The following NBAS variants were observed in gnomAD, a reference collection of about 807,000 sequenced individuals.
The protein encoded by NBAS is NBAS subunit of NRZ tethering complex.
In NBAS, 219 loss-of-function variants were observed where a neutral mutation model predicts 302.5. That is an observed-to-expected ratio of 0.72 (90% CI 0.65 to 0.81). The LOEUF (loss-of-function observed/expected upper bound fraction) is 0.81. Ranked by LOEUF, NBAS falls within the 30% of genes least tolerant of loss-of-function variation. The pLI is 0.00. For missense variants in NBAS, 2,932 were observed against 2,841.6 expected, an observed-to-expected ratio of 1.03 and a Z score of -0.72; for synonymous variants, 1,118 against 1,021.6, an observed-to-expected ratio of 1.09 and a Z score of -1.80.
the NBAS span, among the ~76,000 whole-genome samples, chr2:14,779,000 C>T: frequency 1.3e-5 from 2 of 152,226 alleles, no homozygotes; most frequent in African/African-American, 4.8e-5. Context: ...ATTCTCACCA[C>T]TCTACAAATG....
the NBAS span, among the ~76,000 whole-genome samples, chr2:14,992,360 C>T: frequency 6.6e-6 from 1 of 152,056 alleles, no homozygotes; most frequent in Non-Finnish European, 1.5e-5. Flanking sequence ...CAGCACAATC[C>T]AATTTATACC....
At chr2:14,860,344 A>G in the NBAS span, among the ~76,000 whole-genome samples, 2 of 152,168 alleles carry the variant, frequency 1.3e-5, no homozygotes, top group African/African-American at 4.8e-5. Context: ...CAGATCCACA[A>G]AGAAAAAGAA....
intron 10 of NBAS, 101 bp from the exon 11 acceptor site, chr2:15,504,314 T>G (rs955064739): frequency 1.0e-5 from 10 of 979,682 alleles, no homozygotes; most frequent in Non-Finnish European, 1.6e-5. Context: ...AATCTAGTAT[T>G]TTTTTAATTG....
At chr2:14,913,269 C>T in the NBAS span, among the ~76,000 whole-genome samples, 7 of 152,182 alleles carry the variant, frequency 4.6e-5, no homozygotes, top group Non-Finnish European at 8.8e-5. Flanking sequence ...CTGTGGCCGA[C>T]TTAAGCATGG....
In NBAS at chr2:15,292,729, T is replaced by C; in HGVS notation, c.4835A>G (p.His1612Arg). ...GGCTTCGTGCTCATGTCGAGTCACA[T>C]GCCTGGTGACCATCTTGATTAGTTC... ...PKELIKMVTR[H>R]VTRHEHEAWP... The change falls in exon 41 of 52, where the codon CAT (histidine) becomes CGT (arginine). Residue 1612 changes from histidine to arginine, a missense_variant. Physicochemically the swap from His to Arg is conservative, Grantham distance 29. Transcript: ENST00000281513. 1.2e-6 allele frequency: 2 copies of C among 1,614,244 alleles called. No individual in the cohort carries two copies. The highest frequency in any genetic ancestry group is 1.7e-6 in the Non-Finnish European group (2 of 1,180,044).
At chr2:15,190,454 G>T in intron 48 of NBAS, 51 bp from the exon 49 acceptor site, 5 of 1,599,288 alleles carry the variant, frequency 3.1e-6, no homozygotes, top group Non-Finnish European at 4.3e-6. Flanking sequence ...TACTGAATTG[G>T]TTTATAGAAT....
At chr2:15,047,593 G>A in the NBAS span, among the ~76,000 whole-genome samples, 28 of 82,682 alleles carry the variant, frequency 3.4e-4, no homozygotes, top group Non-Finnish European at 5.4e-4. Context: ...GGCCCATGCA[G>A]GTAAAAGCTG....
chr2:15,158,637 C>G, the NBAS span, among the ~76,000 whole-genome samples: 4 of 152,226 alleles, frequency 2.6e-5, no homozygotes, highest in Admixed American at 2.6e-4. Context: ...CTTCCTCCCT[C>G]AGGGCTGCAG....
chr2:15,038,103 G>C, the NBAS span, among the ~76,000 whole-genome samples: 1 of 135,168 alleles, frequency 7.4e-6, no homozygotes, highest in Non-Finnish European at 1.6e-5. Context: ...ATATGTCACT[G>C]ACTTTATTCT....
chr2:14,783,565 G>A, the NBAS span, among the ~76,000 whole-genome samples: 1 of 146,316 alleles, frequency 6.8e-6, no homozygotes, highest in Non-Finnish European at 1.5e-5. Flanking sequence ...GTGAGAACAT[G>A]CGGTGTTTGG....
chr2:15,013,398 A>T, the NBAS span, among the ~76,000 whole-genome samples: 2 of 152,260 alleles, frequency 1.3e-5, no homozygotes, highest in Non-Finnish European at 2.9e-5. Flanking sequence ...TATACAAAAT[A>T]ATCAGATACA....
intron 10 of NBAS, among the ~76,000 whole-genome samples, chr2:15,510,849 G>T (rs1349463623): frequency 6.6e-6 from 1 of 152,106 alleles, no homozygotes; most frequent in Non-Finnish European, 1.5e-5. Flanking sequence ...TTACCTCAAA[G>T]GGTTACTTAG....
At chr2:15,075,613 T>C in the NBAS span, among the ~76,000 whole-genome samples, 1 of 152,234 alleles carries the variant, frequency 6.6e-6, no homozygotes, top group African/African-American at 2.4e-5. Context: ...AATTTCCTAC[T>C]CAATCTTTTG....
At chr2:15,277,942 T>C (rs1669660473) in intron 42 of NBAS, among the ~76,000 whole-genome samples, 1 of 152,060 alleles carries the variant, frequency 6.6e-6, no homozygotes, top group African/African-American at 2.4e-5. Context: ...ACTCCCTAAT[T>C]GTAAGAGTCC....
At chr2:15,304,752 T>A (rs1670954718) in intron 40 of NBAS, among the ~76,000 whole-genome samples, 1 of 152,212 alleles carries the variant, frequency 6.6e-6, no homozygotes, top group African/African-American at 2.4e-5. Context: ...CCTGTAGAAC[T>A]TTGCTTGAGA....
At chr2:15,474,579 T>C (rs994793931) in intron 14 of NBAS, among the ~76,000 whole-genome samples, 7 of 125,376 alleles carry the variant, frequency 5.6e-5, no homozygotes, top group Admixed American at 7.9e-5. Flanking sequence ...TCTTCTTCTT[T>C]GAGATGGAGC....
At chr2:15,131,028 A>G in the NBAS span, among the ~76,000 whole-genome samples, 1 of 152,212 alleles carries the variant, frequency 6.6e-6, no homozygotes, top group Non-Finnish European at 1.5e-5. Flanking sequence ...ATGAATAAAT[A>G]CATATTATAC....
At chr2:15,273,876 C>T (rs1669445232) in intron 44 of NBAS, among the ~76,000 whole-genome samples, 1 of 151,834 alleles carries the variant, frequency 6.6e-6, no homozygotes, top group African/African-American at 2.4e-5. Flanking sequence ...GAGATCGAGA[C>T]CATCCTGGCT....
Position 15,234,525 on chromosome 2 carries a change from A to C in NBAS, c.6146+20T>G, listed in dbSNP as rs981741770. ...AAAGTGTCACCCCAGTTTTTCCACA[A>C]TGACCACTTTCTAGCTTACCTCAAT... On this transcript the variant is annotated intron_variant, in intron 46 of 51. Coordinates refer to ENST00000281513, the MANE Select transcript of NBAS (RefSeq NM_015909.4). 3 of 1,611,674 alleles carry C rather than the reference A, an allele frequency of 1.9e-6. No homozygotes were observed. The highest frequency in any genetic ancestry group is 1.3e-5 in the African/African-American group (1 of 75,022).
Sources: gnomAD v4.1 joint callset for allele counts (sites outside exome capture counted in the v4.1 genomes callset) on GRCh38, gnomAD v4.1.1 for gene constraint, MANE v1.5 for transcripts, NCBI Gene and HGNC (gene_info 2026-07-23, HGNC 2026-07-21) for gene names.